AGAP3: variants seen among roughly 807,000 people sequenced by gnomAD.
AGAP3 encodes arf-GAP with GTPase, ANK repeat and PH domain-containing protein 3.
In AGAP3, 24 loss-of-function variants were observed where a neutral mutation model predicts 96.9. The ratio of observed to expected loss-of-function variants is 0.25; its 90% confidence interval spans 0.18 to 0.35. The LOEUF is 0.35. Among genes scored for constraint, AGAP3 ranks in the 10% least tolerant of loss-of-function variants. The pLI is 1.00. For missense variants in AGAP3, 876 were observed against 1,254.2 expected (o/e 0.70, Z 4.55); for synonymous variants, 563 against 536.1 (o/e 1.05, Z -0.69).
Position 151,139,927 on chromosome 7 carries a change from C to A in AGAP3, c.1667-52C>A, listed in dbSNP as rs953877939. The A allele has an allele frequency of 1.4e-5, 20 of 1,441,616 alleles. No individual in the cohort carries two copies. Among genetic ancestry groups the A allele is most frequent in the Non-Finnish European group, 1.7e-5 (19 of 1,091,454 alleles). The allele number at this position is 1,441,616 out of a possible 1,614,324, so 89.3% of individuals were successfully genotyped here. A position where few individuals can be genotyped will look rare whatever the true frequency, so the allele number is the denominator to read the frequency against. ...CCTCCTCCCAGTGCCCTGCGCCCCT[C>A]CCCTCCTCTGCCTCCCTTCTTCCCA... On this transcript the variant is annotated intron_variant, in intron 12 of 17. Coordinates refer to ENST00000397238, the MANE Select transcript of AGAP3 (RefSeq NM_031946.7). The surrounding 1 kb of genome is among the most constrained non-coding windows in gnomAD (Gnocchi z 4.9).
chr7:151,115,801 T>A (rs1360119692), intron 1 of AGAP3, among the ~76,000 whole-genome samples: 1 of 151,974 alleles, frequency 6.6e-6, no homozygotes, highest in Non-Finnish European at 1.5e-5. Flanking sequence ...TCTTCGGCAG[T>A]GGCCGAGGAG....
intron 9 of AGAP3, among the ~76,000 whole-genome samples, chr7:151,125,127 C>T (rs541594788): frequency 9.9e-5 from 15 of 152,208 alleles, no homozygotes; most frequent in Non-Finnish European, 2.2e-4. Context: ...TTGTGGGGGA[C>T]CCTGCTAGGT....
intron 10 of AGAP3, among the ~76,000 whole-genome samples, chr7:151,130,793 C>T (rs938668494): frequency 8.6e-5 from 13 of 152,042 alleles, no homozygotes; most frequent in Admixed American, 3.9e-4. Flanking sequence ...TGGCAGAGCC[C>T]GCTTCACTTT....
intron 10 of AGAP3, among the ~76,000 whole-genome samples, 194 bp from the exon 11 acceptor site, chr7:151,134,206 G>A (rs1800503681): frequency 6.6e-6 from 1 of 152,146 alleles, no homozygotes; most frequent in Non-Finnish European, 1.5e-5. Flanking sequence ...ACTCCCCCTA[G>A]AGCTGCTTTG....
rs1800512302 is a variant in AGAP3, at chr7:151,134,393, C to A, written c.1327-7C>A. ...GTCTTCATCTGTCTCTCCCACCCGG[C>A]CTGCAGGATTACATGCAGAACATCC... On this transcript the variant is annotated splice_polypyrimidine_tract_variant and splice_region_variant and intron_variant, in intron 10 of 17. Coordinates refer to ENST00000397238, the MANE Select transcript of AGAP3 (RefSeq NM_031946.7). The A allele has an allele frequency of 6.2e-7, 1 of 1,613,554 alleles. No homozygotes were observed. The highest frequency in any genetic ancestry group is 8.5e-7 in the Non-Finnish European group (1 of 1,179,882).
At position 151,108,172 on chromosome 7, in the gene AGAP3, T is replaced by C. The variant is rs537898406; in HGVS notation, c.332-8621T>C. Reference sequence around the variant, plus strand: ...GATGGGACAAAGCCAGGAGGCCAGATGGGGGACATGCTAAGGGACCGAGTC... The same window carrying C: ...GATGGGACAAAGCCAGGAGGCCAGACGGGGGACATGCTAAGGGACCGAGTC... On this transcript the variant is annotated intron_variant, in intron 1 of 17. Transcript: ENST00000397238. This position sits in a 1 kb window ranked among gnomAD's most constrained non-coding sequence, Gnocchi z 4.2. Among the ~76,000 whole-genome samples, 1 of 152,284 alleles carries C rather than the reference T, an allele frequency of 6.6e-6. No individual in the cohort carries two copies. Among genetic ancestry groups the C allele is most frequent in the East Asian group, 1.9e-4 (1 of 5,180 alleles).
intron 1 of AGAP3, among the ~76,000 whole-genome samples, chr7:151,095,913 C>G (rs1798587838): frequency 6.6e-6 from 1 of 151,630 alleles, no homozygotes; most frequent in Non-Finnish European, 1.5e-5. Flanking sequence ...TCTCTCAGGG[C>G]CTGAATAGAA....
Position 151,139,270 on chromosome 7 carries a change from C to T in AGAP3, c.1667-709C>T, listed in dbSNP as rs368853478. On this transcript the variant is annotated intron_variant, in intron 12 of 17. Transcript: ENST00000397238. This position sits in a 1 kb window ranked among gnomAD's most constrained non-coding sequence, Gnocchi z 4.9. ...CTGAGCTGCCATGGCCTCAGGAGCACGGGCTGAGGGAGGAGCTGGGCGGTG... is the reference window on the plus strand; with the variant it reads ...CTGAGCTGCCATGGCCTCAGGAGCATGGGCTGAGGGAGGAGCTGGGCGGTG... Among the ~76,000 whole-genome samples, 11 of 152,332 alleles carry T rather than the reference C, an allele frequency of 7.2e-5. No individual in the cohort carries two copies. The East Asian group carries it at 9.7e-4, about 13-fold the overall frequency.
In AGAP3 at chr7:151,114,950, G is replaced by C. The variant is rs1246738795; in HGVS notation, c.332-1843G>C. ...AGCAGCCGGCGCGGCCGCGGAGCGT[G>C]TGCTCGGGCGGCCCGGAGCCGCCGC... On this transcript the variant is annotated intron_variant, in intron 1 of 17. Transcript: ENST00000397238. The surrounding 1 kb of genome is among the most constrained non-coding windows in gnomAD (Gnocchi z 4.4). 8.9e-5 allele frequency: 88 copies of C among 983,356 alleles called. No homozygotes were observed. The highest frequency in any genetic ancestry group is 1.0e-4 in the Non-Finnish European group (85 of 830,636). 60.9% of individuals were successfully genotyped at this position (983,356 alleles called of 1,614,324 possible). A position where few individuals can be genotyped will look rare whatever the true frequency, so the allele number is the denominator to read the frequency against.
chr7:151,125,800 A>G (rs1411422071), intron 9 of AGAP3, among the ~76,000 whole-genome samples: 4 of 152,216 alleles, frequency 2.6e-5, no homozygotes, highest in African/African-American at 9.6e-5. Flanking sequence ...TTGCATTCCC[A>G]ATCAATCCGG....
chr7:151,110,974 T>TG (rs1799255276), intron 1 of AGAP3, among the ~76,000 whole-genome samples: 1 of 152,180 alleles, frequency 6.6e-6, no homozygotes, highest in African/African-American at 2.4e-5. Flanking sequence ...GGACAGCTGC[T>TG]GGGACACTTA....
chr7:151,086,993 C>T lies in AGAP3; in HGVS notation c.252C>T (p.Tyr84=), dbSNP rs1251785089. 7 of 1,613,054 alleles carry T rather than the reference C, an allele frequency of 4.3e-6. 1 individual carries two copies. The highest frequency in any genetic ancestry group is 3.3e-5 in the South Asian group (3 of 91,080). The change falls in exon 1 of 18, where the codon TAC becomes TAT. Residue 84 remains tyrosine (Y), a synonymous_variant. Coordinates refer to ENST00000397238, the MANE Select transcript of AGAP3 (RefSeq NM_031946.7). The stretch of plus-strand genomic sequence containing the variant: ...TCGAGTCCGTGCATCCCAATATCTA[C>T]GCCATCTACGACCTGATCGAGCGCA... ...QRFESVHPNI[Y]AIYDLIERIE...
chr7:151,114,760 C>A lies in AGAP3; in HGVS notation c.332-2033C>A. The stretch of plus-strand genomic sequence containing the variant: ...CGCCATGGGCCTGGCCCGCGCCCGC[C>A]GGCCCTGAGCATGGAGCGGGGCTGG... On this transcript the variant is annotated intron_variant, in intron 1 of 17. Transcript: ENST00000397238. The surrounding 1 kb of genome is among the most constrained non-coding windows in gnomAD (Gnocchi z 4.4). The A allele has an allele frequency of 2.0e-6, 2 of 1,018,402 alleles. No homozygotes were observed. Among genetic ancestry groups the A allele is most frequent in the South Asian group, 4.4e-5 (1 of 22,656 alleles). 63.1% of individuals were successfully genotyped at this position (1,018,402 alleles called of 1,614,324 possible).
At position 151,138,230 on chromosome 7, in the gene AGAP3, T is replaced by C; in HGVS notation, c.1583T>C (p.Leu528Pro). 6.2e-7 allele frequency: 1 copy of C among 1,612,536 alleles called. No individual in the cohort carries two copies. Among genetic ancestry groups the C allele is most frequent in the Non-Finnish European group, 8.5e-7 (1 of 1,179,716 alleles). Residue 528 changes from leucine to proline, a missense_variant, in exon 12 of 18, where the codon CTG (leucine) becomes CCG (proline). Leu to Pro is a moderately conservative substitution (Grantham distance 98). This residue lies in a region of AGAP3 where 155 missense variants were observed against 144.4 expected (regional missense o/e 1.07). Coordinates refer to ENST00000397238, the MANE Select transcript of AGAP3 (RefSeq NM_031946.7). Reference protein sequence around the residue: ...SAWAGPRPEGLHQRSCSVSSA... With the variant: ...SAWAGPRPEGPHQRSCSVSSA... ...TGGGCTGGCCCGCGCCCTGAGGGGC[T>C]GCACCAGCGCTCCTGCTCCGTTTCC...
intron 1 of AGAP3, among the ~76,000 whole-genome samples, chr7:151,101,895 C>A (rs144811276): frequency 2.6e-5 from 4 of 152,150 alleles, no homozygotes; most frequent in Non-Finnish European, 5.9e-5. Flanking sequence ...GCCGGTGCGC[C>A]TGGGTGAGGG....
At chr7:151,116,596 C>G in intron 1 of AGAP3, 197 bp from the exon 2 acceptor site, 1 of 628,386 alleles carries the variant, frequency 1.6e-6, no homozygotes, top group Non-Finnish European at 2.8e-6. Flanking sequence ...TGAAGACCAT[C>G]CTTACTCTGC....
chr7:151,115,521 A>G (rs1269110760), intron 1 of AGAP3: 2 of 1,041,820 alleles, frequency 1.9e-6, no homozygotes, highest in Non-Finnish European at 2.3e-6. Context: ...CCGCCCCCGC[A>G]CCGCCGCCGG....
chr7:151,126,672 G>A (rs773399647), intron 9 of AGAP3, among the ~76,000 whole-genome samples: 22 of 152,330 alleles, frequency 1.4e-4, no homozygotes, highest in Non-Finnish European at 2.6e-4. Context: ...GGGAACAGCT[G>A]ACTGCTTCTG....
At chr7:151,091,462 A>G (rs950853877) in intron 1 of AGAP3, among the ~76,000 whole-genome samples, 5 of 152,340 alleles carry the variant, frequency 3.3e-5, no homozygotes, top group Middle Eastern at 6.8e-3. Flanking sequence ...GCCCAGTTGC[A>G]TCTAGCACAG....
Sources: allele counts gnomAD v4.1 joint callset (sites outside exome capture counted in the v4.1 genomes callset), GRCh38; gene constraint gnomAD v4.1.1; regional missense constraint gnomAD v4.1.1; non-coding constraint Gnocchi (gnomAD v3.1); transcripts MANE v1.5; gene names NCBI Gene and HGNC (gene_info 2026-07-23, HGNC 2026-07-21).